The following AK7 variants were observed in gnomAD, a reference collection of about 807,000 sequenced individuals.
AK7 encodes the protein ATP-AMP transphosphorylase 7.
AK7 carries 78 observed loss-of-function variants against 96.6 expected under a neutral mutation model. The observed-to-expected ratio is 0.81, with a 90% CI of 0.67 to 0.97. The LOEUF (loss-of-function observed/expected upper bound fraction) is 0.97. Ranked by LOEUF, AK7 falls within the 50% of genes least tolerant of loss-of-function variation. The probability of loss-of-function intolerance (pLI) is 0.00; values close to 1 mark genes in which losing one functional copy is unlikely to be tolerated. For synonymous variants in AK7, 302 were observed against 317.2 expected (o/e 0.95, Z 0.51); for missense variants, 855 against 887.9 (o/e 0.96, Z 0.47).
In AK7 at chr14:96,483,166, G is replaced by A; in HGVS notation, c.1921G>A (p.Glu641Lys). ...AREAAEEAER[E>K]HQEAVEMAEK... ...GGAGGCTGCTGAGGAAGCAGAACGC[G>A]AGCACCAGGAGGCCGTGGAGATGGC... Residue 641 changes from glutamate (E) to lysine (K), a missense_variant, in exon 16 of 18, where the codon GAG becomes AAG. Transcript: ENST00000267584. 6.8e-6 allele frequency: 11 copies of A among 1,613,330 alleles called. No individual in the cohort carries two copies. Among genetic ancestry groups the A allele is most frequent in the Middle Eastern group, 1.7e-4 (1 of 6,058 alleles).
chr14:96,451,446 T>C lies in AK7; in HGVS notation c.974T>C (p.Val325Ala). The change falls in exon 10 of 18, where the codon GTC (valine) becomes GCC (alanine). Residue 325 changes from valine to alanine, a missense_variant. By Grantham distance (64) the Val-to-Ala change is moderately conservative (BLOSUM62 0). Transcript: ENST00000267584. Reference protein sequence around the residue: ...LTQDCLDHLLVNLRMEALFVK... With the variant: ...LTQDCLDHLLANLRMEALFVK... ...CAAGATTGTCTTGACCATTTACTGGTCAACTTAAGAATGGAAGCGCTCTTT... is the reference window on the plus strand; with the variant it reads ...CAAGATTGTCTTGACCATTTACTGGCCAACTTAAGAATGGAAGCGCTCTTT... 1.3e-6 allele frequency: 2 copies of C among 1,584,292 alleles called. No homozygotes were observed. Among genetic ancestry groups the C allele is most frequent in the Non-Finnish European group, 8.6e-7 (1 of 1,165,300 alleles).
intron 8 of AK7, among the ~76,000 whole-genome samples, chr14:96,448,206 C>T (rs976659875): frequency 2.6e-4 from 39 of 151,986 alleles, no homozygotes; most frequent in South Asian, 2.1e-4. Flanking sequence ...ACCTCCTGCA[C>T]GCGACAGGTG....
At chr14:96,460,368 C>T (rs1894185330) in intron 12 of AK7, among the ~76,000 whole-genome samples, 1 of 152,194 alleles carries the variant, frequency 6.6e-6, no homozygotes, top group East Asian at 1.9e-4. Flanking sequence ...TTTCTCTCCT[C>T]TTCCTTCCTC....
At chr14:96,416,893 T>C (rs2140028695) in intron 4 of AK7, among the ~76,000 whole-genome samples, 1 of 152,350 alleles carries the variant, frequency 6.6e-6, no homozygotes, top group South Asian at 2.1e-4. Flanking sequence ...TTGGAATTTA[T>C]GGGCTCCAGT....
At chr14:96,455,205 C>G (rs1893827941) in intron 10 of AK7, among the ~76,000 whole-genome samples, 1 of 152,022 alleles carries the variant, frequency 6.6e-6, no homozygotes, top group East Asian at 1.9e-4. Context: ...AAAGACCAAG[C>G]CAGGTGCAGT....
chr14:96,459,124 G>A (rs545755432), intron 12 of AK7, among the ~76,000 whole-genome samples: 431 of 152,112 alleles, frequency 2.8e-3, no homozygotes, highest in African/African-American at 9.9e-3. Context: ...GATCACCTGA[G>A]GTCAGGAGTT....
At chr14:96,475,731 G>A (rs894086641) in intron 14 of AK7, among the ~76,000 whole-genome samples, 5 of 152,150 alleles carry the variant, frequency 3.3e-5, no homozygotes, top group African/African-American at 1.2e-4. Flanking sequence ...CAGCACTTGG[G>A]GAGGCTAAGG....
rs777448757 is a variant in AK7, at chr14:96,397,255, A to T, written c.106-820A>T. 7.0e-4 allele frequency among the ~76,000 whole-genome samples: 104 copies of T among 148,206 alleles called. 1 individual carries two copies. Among genetic ancestry groups the T allele is most frequent in the African/African-American group, 2.4e-3 (99 of 40,716 alleles). ...ATTGCATTAAATACCACAGCATTTA[A>T]TTTTTTTTTTTTAGGCGGAGTCTTG... is the stretch of plus-strand genomic sequence containing the variant. On this transcript the variant is annotated intron_variant, in intron 1 of 17. Transcript: ENST00000267584.
intron 14 of AK7, among the ~76,000 whole-genome samples, chr14:96,476,836 G>A (rs1057178660): frequency 2.0e-5 from 3 of 152,150 alleles, no homozygotes; most frequent in African/African-American, 7.2e-5. Flanking sequence ...GATCAGCCTG[G>A]AAGAAAGATA....
chr14:96,430,308 C>T (rs1315455497), intron 5 of AK7, among the ~76,000 whole-genome samples: 1 of 151,750 alleles, frequency 6.6e-6, no homozygotes, highest in Non-Finnish European at 1.5e-5. Flanking sequence ...GCCTCAGCCT[C>T]CCGAGTAGCT....
chr14:96,418,506 C>CTTTTTGTTTTTG lies in AK7; in HGVS notation c.499-2298_499-2287dup, dbSNP rs10702431. On this transcript the variant is annotated intron_variant, in intron 4 of 17. Transcript: ENST00000267584. ...CAACTGTACTCTTACCTCAGTAGGG[C>CTTTTTGTTTTTG]TTTTTGTTTTTGTTTTTGTTTTTGT... 2.6e-4 allele frequency among the ~76,000 whole-genome samples: 39 copies of CTTTTTGTTTTTG among 149,082 alleles called. No individual in the cohort carries two copies. In the South Asian group the frequency reaches 3.9e-3, roughly 15 times the overall value.
In AK7 at chr14:96,456,356, A is replaced by T. The variant is rs1267977199; in HGVS notation, c.1108A>T (p.Ile370Phe). 1 of 1,612,668 alleles carries T rather than the reference A, an allele frequency of 6.2e-7. No homozygotes were observed. The highest frequency in any genetic ancestry group is 8.5e-7 in the Non-Finnish European group (1 of 1,179,302). The part of the protein sequence containing the change: ...KQSRGLMPIK[I>F]CILGPPAVGK... ...CTCTCTCCTCTTTCAGCCAATCAAG[A>T]TCTGCATTCTTGGTCCCCCTGCTGT... The change falls in exon 11 of 18, where the codon ATC becomes TTC. Residue 370 changes from isoleucine (I) to phenylalanine (F), a missense_variant. Ile to Phe is a conservative substitution (Grantham distance 21, BLOSUM62 0). Transcript: ENST00000267584.
rs958718920 is a variant in AK7, at chr14:96,488,446, C to A, written c.*103C>A. On this transcript the variant is annotated 3_prime_UTR_variant, in exon 18 of 18. Coordinates refer to ENST00000267584, the MANE Select transcript of AK7 (RefSeq NM_152327.5). ...ATGCTTTTCCAGTTCTTAGAAAATT[C>A]TTTTTTTGTAGACAAATATTCTATA... The A allele has an allele frequency of 4.3e-5, 46 of 1,059,556 alleles. No homozygotes were observed. Among genetic ancestry groups the A allele is most frequent in the East Asian group, 1.5e-4 (6 of 40,252 alleles). 65.6% of individuals were successfully genotyped at this position (1,059,556 alleles called of 1,614,324 possible).
chr14:96,451,351 A>T (rs1455037002), intron 9 of AK7, 70 bp from the exon 10 acceptor site: 15 of 1,342,294 alleles, frequency 1.1e-5, no homozygotes, highest in Admixed American at 5.2e-5. Flanking sequence ...AACTGTAGTG[A>T]TTTTGGTCTG....
chr14:96,445,512 T>TA (rs1428178096), intron 7 of AK7, among the ~76,000 whole-genome samples: 1 of 151,744 alleles, frequency 6.6e-6, no homozygotes, highest in African/African-American at 2.4e-5. Flanking sequence ...ATACAAAAAT[T>TA]AGTCGGGTTT....
chr14:96,436,150 G>T (rs1892625278), intron 5 of AK7, among the ~76,000 whole-genome samples: 1 of 152,148 alleles, frequency 6.6e-6, no homozygotes, highest in Non-Finnish European at 1.5e-5. Context: ...ACTGTGGGAA[G>T]GCAGTTAACA....
intron 4 of AK7, among the ~76,000 whole-genome samples, chr14:96,414,066 GGC>G (rs1306561722): frequency 6.6e-6 from 1 of 152,170 alleles, no homozygotes; most frequent in Non-Finnish European, 1.5e-5. Context: ...AATGTAGAGT[GGC>G]TTACACATGG....
At chr14:96,472,829 C>A in intron 14 of AK7, 74 bp downstream of exon 14, 2 of 1,337,488 alleles carry the variant, frequency 1.5e-6, no homozygotes, top group Non-Finnish European at 2.1e-6. Flanking sequence ...CGCCTGTAAT[C>A]TCAGAACTTT....
intron 1 of AK7, among the ~76,000 whole-genome samples, chr14:96,394,773 C>T (rs779173840): frequency 6.6e-5 from 10 of 152,124 alleles, no homozygotes; most frequent in East Asian, 1.9e-4. Context: ...GTCAGGAGTT[C>T]GAGACTAGCC....
Sources: allele counts gnomAD v4.1 joint callset (sites outside exome capture counted in the v4.1 genomes callset), GRCh38; gene constraint gnomAD v4.1.1; transcripts MANE v1.5; gene names NCBI Gene and HGNC (gene_info 2026-07-23, HGNC 2026-07-21).